The following SHQ1 variants were observed in gnomAD, a reference collection of about 807,000 sequenced individuals.
SHQ1 encodes protein SHQ1 homolog.
SHQ1 carries 49 observed loss-of-function variants against 53.8 expected under a neutral mutation model. The ratio of observed to expected loss-of-function variants is 0.91; its 90% CI spans 0.72 to 1.16. SHQ1 has a LOEUF of 1.16. SHQ1 is among the 50% of genes most tolerant of loss of function. The pLI is 0.00. For synonymous variants in SHQ1, 243 were observed against 251.0 expected, an observed-to-expected ratio of 0.97 and a Z score of 0.30; for missense variants, 738 against 683.1, an observed-to-expected ratio of 1.08 and a Z score of -0.90.
intron 7 of SHQ1, 95 bp downstream of exon 7, chr3:72,817,135 C>T: frequency 7.4e-7 from 1 of 1,344,588 alleles, no homozygotes; most frequent in South Asian, 1.6e-5. Flanking sequence ...TAACTGATCA[C>T]CACCAGTTCT....
At chr3:72,831,812 A>G (rs1048198309) in intron 5 of SHQ1, among the ~76,000 whole-genome samples, 3 of 152,258 alleles carry the variant, frequency 2.0e-5, no homozygotes, top group Non-Finnish European at 4.4e-5. Flanking sequence ...ATTATAGCCA[A>G]AAACACAATT....
rs61734044 is a variant in SHQ1, at chr3:72,817,269, T to C, written c.843A>G (p.Ala281=). The C allele has an allele frequency of 3.2e-5, 52 of 1,613,802 alleles. No homozygotes were observed. In the African/African-American group the frequency reaches 5.1e-4, roughly 16 times the overall value. ...CAGTGACACGGGTTTCATAGCAATA[T>C]GCCAGAAGGATATCAATCAAACTGT... is the stretch of plus-strand genomic sequence containing the variant. ...VCYSLIDILL[A]YCYETRVTEG... The change falls in exon 7 of 11, where the codon GCA becomes GCG. Residue 281 remains alanine (A), a synonymous_variant. Transcript: ENST00000325599.
the SHQ1 span, among the ~76,000 whole-genome samples, chr3:72,730,020 G>A: frequency 3.9e-5 from 6 of 151,970 alleles, no homozygotes; most frequent in Admixed American, 1.3e-4. Flanking sequence ...GGGTTTCACC[G>A]TGTTAGCCAG....
At chr3:72,750,918 T>TA in intron 10 of SHQ1, 82 bp from the exon 11 acceptor site, 1 of 1,163,326 alleles carries the variant, frequency 8.6e-7, no homozygotes, top group South Asian at 1.7e-5. Context: ...TCCAAAAAAA[T>TA]AAAGTTGAAT....
At chr3:72,813,374 G>C (rs1707185970) in intron 8 of SHQ1, among the ~76,000 whole-genome samples, 1 of 150,020 alleles carries the variant, frequency 6.7e-6, no homozygotes, top group Non-Finnish European at 1.5e-5. Context: ...GGGTGAAGCA[G>C]AGAATAGCTC....
chr3:72,834,528 T>G (rs1486247480), intron 4 of SHQ1, among the ~76,000 whole-genome samples: 1 of 151,836 alleles, frequency 6.6e-6, no homozygotes, highest in Non-Finnish European at 1.5e-5. Flanking sequence ...AGACTCCATC[T>G]CAAAAAAAAA....
the SHQ1 span, among the ~76,000 whole-genome samples, chr3:72,739,462 C>A: frequency 1.3e-5 from 2 of 152,210 alleles, no homozygotes; most frequent in Non-Finnish European, 2.9e-5. Context: ...GCGTCTACAG[C>A]TGGTAGAGAG....
At position 72,750,642 on chromosome 3, in the gene SHQ1, T is replaced by C. The variant is rs780795478; in HGVS notation, c.1376A>G (p.Asp459Gly). The change falls in exon 11 of 11, where the codon GAC becomes GGC. Residue 459 changes from aspartate (D) to glycine (G), a missense_variant. By Grantham distance (94) the Asp-to-Gly change is moderately conservative. Transcript: ENST00000325599. ...CSSSEASDSE[D>G]SDSSVSSGNE... ...TCCAGATGACACGCTGCTGTCTGAG[T>C]CCTCCGAATCACTTGCCTCAGAGCT... 38 of 1,613,892 alleles carry C rather than the reference T, an allele frequency of 2.4e-5. No individual in the cohort carries two copies. In the Middle Eastern group the frequency reaches 6.6e-4, roughly 28 times the overall value.
At chr3:72,732,885 A>C in the SHQ1 span, among the ~76,000 whole-genome samples, 1 of 151,664 alleles carries the variant, frequency 6.6e-6, no homozygotes, top group South Asian at 2.1e-4. Context: ...TTATGAGATA[A>C]ACAAATGGTA....
rs142299566 is a variant in SHQ1, at chr3:72,829,305, T to G, written c.599+3064A>C. ...TCAATATGCTTCTTCTTCATAGCAC[T>G]TGATTACAATAAAACCCCTTTAGTA... On this transcript the variant is annotated intron_variant, in intron 5 of 10. Transcript: ENST00000325599. Among the ~76,000 whole-genome samples the G allele has an allele frequency of 2.2e-4, 33 of 152,322 alleles. No individual in the cohort carries two copies. In the East Asian group the frequency reaches 6.2e-3, roughly 28 times the overall value.
intron 7 of SHQ1, among the ~76,000 whole-genome samples, chr3:72,816,013 T>G (rs574958779): frequency 6.6e-6 from 1 of 152,322 alleles, no homozygotes; most frequent in South Asian, 2.1e-4. Flanking sequence ...TTTTCTCCAA[T>G]TACAGTATCT....
At chr3:72,801,051 G>A (rs2106822620) in intron 9 of SHQ1, among the ~76,000 whole-genome samples, 1 of 152,108 alleles carries the variant, frequency 6.6e-6, no homozygotes, top group Admixed American at 6.5e-5. Flanking sequence ...TACATGACCA[G>A]ATGTCATCAA....
downstream of SHQ1, among the ~76,000 whole-genome samples, chr3:72,748,545 G>GCCCAGCA (rs1437362180): frequency 6.6e-6 from 1 of 151,866 alleles, no homozygotes. Flanking sequence ...ACAAAAATTA[G>GCCCAGCA]CCCAGCACGG....
At chr3:72,748,361 A>G (rs992154813), downstream of SHQ1, among the ~76,000 whole-genome samples, 4 of 137,804 alleles carry the variant, frequency 2.9e-5, no homozygotes, top group Non-Finnish European at 6.2e-5. Flanking sequence ...AAAAAAAAAA[A>G]GACTCATATG....
intron 10 of SHQ1, among the ~76,000 whole-genome samples, chr3:72,755,108 G>A (rs1330590428): frequency 6.6e-6 from 1 of 152,144 alleles, no homozygotes; most frequent in Non-Finnish European, 1.5e-5. Flanking sequence ...GCAGAAAAGT[G>A]GTGAAGCTGA....
chr3:72,788,202 G>A (rs899293947), intron 10 of SHQ1, among the ~76,000 whole-genome samples: 10 of 151,042 alleles, frequency 6.6e-5, no homozygotes, highest in African/African-American at 2.2e-4. Flanking sequence ...GAGCCCCTCT[G>A]CCCGGCCGCC....
At chr3:72,825,361 T>TACACAC (rs61048915) in intron 5 of SHQ1, among the ~76,000 whole-genome samples, 3,993 of 141,920 alleles carry the variant, frequency 0.028, 138 homozygotes, top group African/African-American at 0.084. Context: ...TAAAAGGGGC[T>TACACAC]ACACACACAC....
chr3:72,753,055 A>G (rs555448980), intron 10 of SHQ1: 4 of 985,210 alleles, frequency 4.1e-6, no homozygotes, highest in Non-Finnish European at 4.8e-6. Context: ...GGATGCATTT[A>G]GTTGTTTTTT....
intron 9 of SHQ1, among the ~76,000 whole-genome samples, chr3:72,796,118 A>G (rs960562871): frequency 1.3e-5 from 2 of 151,492 alleles, no homozygotes; most frequent in Admixed American, 6.6e-5. Flanking sequence ...AAAAAAAAAA[A>G]AAAAAAGAAA....
Sources: gnomAD v4.1 joint callset for allele counts (sites outside exome capture counted in the v4.1 genomes callset) on GRCh38, gnomAD v4.1.1 for gene constraint, MANE v1.5 for transcripts, NCBI Gene and HGNC (gene_info 2026-07-23, HGNC 2026-07-21) for gene names.